The following SLC39A6 variants were observed in gnomAD, a reference collection of about 807,000 sequenced individuals.
The protein encoded by SLC39A6 is solute carrier family 39 member 6.
In SLC39A6, 51 loss-of-function variants were observed where a neutral mutation model predicts 63.5. That is an observed-to-expected ratio of 0.80 (90% CI 0.64 to 1.01). SLC39A6 has a LOEUF of 1.01. SLC39A6 is among the 50% of genes least tolerant of loss of function. The probability of loss-of-function intolerance (pLI) is 0.00; values close to 1 mark genes in which losing one functional copy is unlikely to be tolerated. For synonymous variants in SLC39A6, 318 were observed against 324.7 expected (o/e 0.98, Z 0.22); for missense variants, 805 against 927.8 (o/e 0.87, Z 1.72).
intron 6 of SLC39A6, 72 bp from the exon 7 acceptor site, chr18:36,114,546 T>C (rs1323565856): frequency 8.1e-7 from 1 of 1,238,154 alleles, no homozygotes; most frequent in East Asian, 2.3e-5. Context: ...ATTTCAAACC[T>C]CATTGAAAAA....
Position 36,116,109 on chromosome 18 carries a change from G to A in SLC39A6, c.1465+565C>T, listed in dbSNP as rs545845897. Among the ~76,000 whole-genome samples the A allele has an allele frequency of 1.6e-4, 25 of 152,304 alleles. No homozygotes were observed. In the South Asian group the frequency reaches 4.8e-3, roughly 29 times the overall value. ...AACAATATTTTGGTGGGGGTTGGGGGAGTGTTGGCATAAAAAGCACTATTA... is the reference window on the plus strand; with the variant it reads ...AACAATATTTTGGTGGGGGTTGGGGAAGTGTTGGCATAAAAAGCACTATTA... On this transcript the variant is annotated intron_variant, in intron 6 of 9. Coordinates refer to ENST00000269187, the MANE Select transcript of SLC39A6 (RefSeq NM_012319.4).
chr18:36,109,918 C>T (rs2089287885), intron 9 of SLC39A6, among the ~76,000 whole-genome samples, 173 bp from the exon 10 acceptor site: 1 of 152,174 alleles, frequency 6.6e-6, no homozygotes, highest in Non-Finnish European at 1.5e-5. Flanking sequence ...AACAATGTCA[C>T]ACAGCATTTC....
chr18:36,112,636 C>A (rs541773824), intron 7 of SLC39A6, 55 bp from the exon 8 acceptor site: 2 of 1,353,958 alleles, frequency 1.5e-6, no homozygotes, highest in African/African-American at 2.9e-5. Context: ...GTTTTTTAAT[C>A]TTATCAGTAT....
intron 2 of SLC39A6, among the ~76,000 whole-genome samples, chr18:36,125,624 T>C (rs1396098791): frequency 6.6e-6 from 1 of 152,154 alleles, no homozygotes; most frequent in African/African-American, 2.4e-5. Flanking sequence ...TTCCCTGTTC[T>C]TGACATCTCT....
At chr18:36,113,542 G>C (rs1284036461) in intron 7 of SLC39A6, among the ~76,000 whole-genome samples, 1 of 152,178 alleles carries the variant, frequency 6.6e-6, no homozygotes, top group Non-Finnish European at 1.5e-5. Context: ...GCGTCACCTT[G>C]ACAGGCCTCA....
intron 5 of SLC39A6, among the ~76,000 whole-genome samples, chr18:36,117,638 C>T (rs778276054): frequency 2.6e-5 from 4 of 152,194 alleles, no homozygotes; most frequent in Admixed American, 1.3e-4. Context: ...TTCTTATTTG[C>T]AGTACCTTTG....
In SLC39A6 at chr18:36,112,485, T is replaced by C. The variant is rs2089308558; in HGVS notation, c.1924+16A>G. On this transcript the variant is annotated intron_variant, in intron 8 of 9. Transcript: ENST00000269187. Reference sequence around the variant, plus strand: ...TTTCACCCACTTGGCAAATACAATTTATGTGGTTCTCTTACCTAATTCATG... The same window carrying C: ...TTTCACCCACTTGGCAAATACAATTCATGTGGTTCTCTTACCTAATTCATG... 4 of 1,595,126 alleles carry C rather than the reference T, an allele frequency of 2.5e-6. No homozygotes were observed. The highest frequency in any genetic ancestry group is 3.4e-6 in the Non-Finnish European group (4 of 1,164,710).
In SLC39A6 at chr18:36,108,775, C is replaced by T. The variant is rs1038034399; in HGVS notation, c.*818G>A. ...TTTGTAAACCAGGTAACCAGAACAT[C>T]CAGTCATACAGCTTTTGGTGATATA... On this transcript the variant is annotated 3_prime_UTR_variant, in exon 10 of 10. Transcript: ENST00000269187. 1.3e-5 allele frequency: 2 copies of T among 152,122 alleles called. No homozygotes were observed. The highest frequency in any genetic ancestry group is 2.4e-5 in the African/African-American group (1 of 41,438). 9.4% of individuals were successfully genotyped at this position (152,122 alleles called of 1,614,324 possible).
chr18:36,124,765 A>C, intron 2 of SLC39A6, 65 bp from the exon 3 acceptor site: 1 of 1,225,682 alleles, frequency 8.2e-7, no homozygotes, highest in Non-Finnish European at 1.1e-6. Context: ...TGATGACACA[A>C]TACCCTTTTT....
intron 2 of SLC39A6, 94 bp from the exon 3 acceptor site, chr18:36,124,794 T>C (rs1482219861): frequency 2.0e-6 from 2 of 1,007,616 alleles, no homozygotes; most frequent in East Asian, 5.1e-5. Context: ...CTACTTCGTT[T>C]TCTCGAGTTA....
intron 2 of SLC39A6, among the ~76,000 whole-genome samples, 156 bp downstream of exon 2, chr18:36,126,063 G>A (rs1314780636): frequency 6.6e-6 from 1 of 152,242 alleles, no homozygotes; most frequent in African/African-American, 2.4e-5. Flanking sequence ...TAGCAGGCAT[G>A]CTTTGTGGCA....
intron 5 of SLC39A6, among the ~76,000 whole-genome samples, chr18:36,119,117 A>C (rs1378201629): frequency 6.6e-6 from 1 of 152,228 alleles, no homozygotes; most frequent in Non-Finnish European, 1.5e-5. Flanking sequence ...AAAAATCCTA[A>C]GTAAAATGCC....
At chr18:36,117,926 G>A (rs2089360435) in intron 5 of SLC39A6, among the ~76,000 whole-genome samples, 1 of 151,864 alleles carries the variant, frequency 6.6e-6, no homozygotes, top group Non-Finnish European at 1.5e-5. Context: ...AGCTACCCAG[G>A]AGGCTGAGGC....
intron 6 of SLC39A6, among the ~76,000 whole-genome samples, chr18:36,116,101 G>T (rs946269295): frequency 6.6e-6 from 1 of 152,192 alleles, no homozygotes; most frequent in Admixed American, 6.5e-5. Flanking sequence ...TTTTGGTGGG[G>T]GTTGGGGGAG....
At chr18:36,114,828 A>C (rs1210026065) in intron 6 of SLC39A6, among the ~76,000 whole-genome samples, 8 of 152,218 alleles carry the variant, frequency 5.3e-5, no homozygotes, top group Non-Finnish European at 1.0e-4. Flanking sequence ...ATGTTATTTA[A>C]AATATTTATT....
intron 1 of SLC39A6, among the ~76,000 whole-genome samples, chr18:36,127,415 T>A (rs2089448729): frequency 6.6e-6 from 1 of 152,042 alleles, no homozygotes; most frequent in Non-Finnish European, 1.5e-5. Context: ...GGCTCATGCC[T>A]ATAATCCCAG....
At position 36,126,699 on chromosome 18, in the gene SLC39A6, C is replaced by G. The variant is rs2089442053; in HGVS notation, c.309G>C (p.Glu103Asp). The G allele has an allele frequency of 1.2e-6, 2 of 1,613,510 alleles. No homozygotes were observed. The highest frequency in any genetic ancestry group is 1.1e-5 in the South Asian group (1 of 91,026). ...AGTGACGCTCATGGTCTGAGTGATG[C>G]TCGTGGTCTGAGTGATGGTCGTGGT... Reference protein sequence around the residue: ...HHDHDHHSDHEHHSDHERHSD... With the variant: ...HHDHDHHSDHDHHSDHERHSD... The change falls in exon 2 of 10, where the codon GAG becomes GAC. Residue 103 changes from glutamate to aspartate, a missense_variant. By Grantham distance (45) the Glu-to-Asp change is conservative. Around this residue, in one of 4 missense-constraint regions of SLC39A6, gnomAD observed 639 missense variants for 644.0 expected, o/e 0.99. Transcript: ENST00000269187.
At chr18:36,120,266 T>G (rs1233138359) in intron 5 of SLC39A6, among the ~76,000 whole-genome samples, 1 of 152,026 alleles carries the variant, frequency 6.6e-6, no homozygotes, top group Non-Finnish European at 1.5e-5. Flanking sequence ...CTTTTTGAGA[T>G]AATTAAATGA....
At chr18:36,123,959 A>AC in intron 3 of SLC39A6, among the ~76,000 whole-genome samples, 1 of 152,130 alleles carries the variant, frequency 6.6e-6, no homozygotes, top group Non-Finnish European at 1.5e-5. Context: ...CCAAGGATGA[A>AC]CTGTAGCTCA....
Sources: gnomAD v4.1 joint callset for allele counts (sites outside exome capture counted in the v4.1 genomes callset) on GRCh38, gnomAD v4.1.1 for gene constraint, gnomAD v4.1.1 regional missense constraint, MANE v1.5 for transcripts, NCBI Gene and HGNC (gene_info 2026-07-23, HGNC 2026-07-21) for gene names.